Variants in ZNF507 observed in about 807,000 individuals in gnomAD.
ZNF507 encodes zinc finger protein 507.
ZNF507 carries 29 observed loss-of-function variants against 80.0 expected under a neutral mutation model. The observed-to-expected ratio is 0.36, with a 90% confidence interval of 0.27 to 0.49. The LOEUF (loss-of-function observed/expected upper bound fraction) is 0.49. Ranked by LOEUF, ZNF507 falls within the 20% of genes least tolerant of loss-of-function variation. The pLI is 0.98. For synonymous variants in ZNF507, 462 were observed against 422.5 expected (o/e 1.09, Z -1.15); for missense variants, 1,081 against 1,152.2 (o/e 0.94, Z 0.90).
Position 32,354,367 on chromosome 19 carries a change from G to C in ZNF507, c.1537G>C (p.Ala513Pro). The change falls in exon 3 of 7, where the codon GCC becomes CCC. Residue 513 changes from alanine (A) to proline (P), a missense_variant. Physicochemically the swap from Ala to Pro is conservative, Grantham distance 27. Transcript: ENST00000355898. The stretch of plus-strand genomic sequence containing the variant: ...TATAAGAGCTGCAGAGTTGACAAGA[G>C]CCAACCTGGGGCACTATGGAGATAT... ...MPIRAAELTR[A>P]NLGHYGDINL... 6 of 1,614,176 alleles carry C rather than the reference G, an allele frequency of 3.7e-6. No individual in the cohort carries two copies. The highest frequency in any genetic ancestry group is 5.1e-6 in the Non-Finnish European group (6 of 1,180,038).
At chr19:32,362,438 A>C (rs1172843687) in intron 5 of ZNF507, among the ~76,000 whole-genome samples, 1 of 152,188 alleles carries the variant, frequency 6.6e-6, no homozygotes, top group Non-Finnish European at 1.5e-5. Context: ...TTATTGAGCA[A>C]ATATTATGCT....
intron 5 of ZNF507, among the ~76,000 whole-genome samples, chr19:32,364,656 G>A (rs921493769): frequency 7.2e-5 from 11 of 152,130 alleles, no homozygotes; most frequent in African/African-American, 2.7e-4. Context: ...CACTGCAAAT[G>A]CTGTTAATTC....
chr19:32,374,873 G>A (rs957031985), intron 5 of ZNF507, among the ~76,000 whole-genome samples: 1 of 152,130 alleles, frequency 6.6e-6, no homozygotes, highest in Non-Finnish European at 1.5e-5. Flanking sequence ...TCCTTGTTCT[G>A]TTCTTGAACT....
At chr19:32,349,532 C>T (rs553597061) in intron 2 of ZNF507, among the ~76,000 whole-genome samples, 1 of 152,300 alleles carries the variant, frequency 6.6e-6, no homozygotes, top group South Asian at 2.1e-4. Context: ...TTTTTAACTT[C>T]CAAATGTTTG....
rs1967216712 is a variant in ZNF507 at position 32,354,233 on chromosome 19, T to C, written c.1403T>C (p.Met468Thr). The C allele has an allele frequency of 6.2e-7, 1 of 1,613,972 alleles. No homozygotes were observed. The highest frequency in any genetic ancestry group is 1.1e-5 in the South Asian group (1 of 91,080). The stretch of plus-strand genomic sequence containing the variant: ...AGTTCAGAGAAAAAAGACGAGTTAA[T>C]GAATAAAGGCCTGGCTACTGATGAG... ...WSSSEKKDEL[M>T]NKGLATDENA... The change falls in exon 3 of 7, where the codon ATG (methionine) becomes ACG (threonine). Residue 468 changes from methionine to threonine, a missense_variant. Physicochemically the swap from Met to Thr is moderately conservative, Grantham distance 81 (BLOSUM62 -1). Around this residue, in one of 6 missense-constraint regions of ZNF507, gnomAD observed 614 missense variants for 583.9 expected, o/e 1.05. Transcript: ENST00000355898.
At chr19:32,369,712 G>T (rs990631068) in intron 5 of ZNF507, among the ~76,000 whole-genome samples, 9 of 152,208 alleles carry the variant, frequency 5.9e-5, no homozygotes, top group Admixed American at 5.2e-4. Flanking sequence ...TAGTAAAATG[G>T]TTACTATAGT....
intron 5 of ZNF507, among the ~76,000 whole-genome samples, chr19:32,378,599 A>G (rs961571036): frequency 6.6e-6 from 1 of 151,892 alleles, no homozygotes; most frequent in Non-Finnish European, 1.5e-5. Context: ...ACTTTTCTAT[A>G]TATCTGTATC....
In ZNF507 at chr19:32,354,382, T is replaced by C; in HGVS notation, c.1552T>C (p.Tyr518His). Residue 518 changes from tyrosine to histidine, a missense_variant, in exon 3 of 7, where the codon TAT (tyrosine) becomes CAT (histidine). Transcript: ENST00000355898. Reference sequence around the variant, plus strand: ...GTTGACAAGAGCCAACCTGGGGCACTATGGAGATATAAACCTTTTAGATCC... The same window carrying C: ...GTTGACAAGAGCCAACCTGGGGCACCATGGAGATATAAACCTTTTAGATCC... ...AELTRANLGH[Y>H]GDINLLDPDT... 6.2e-7 allele frequency: 1 copy of C among 1,614,148 alleles called. No homozygotes were observed. Among genetic ancestry groups the C allele is most frequent in the Non-Finnish European group, 8.5e-7 (1 of 1,180,024 alleles).
intron 5 of ZNF507, 85 bp from the exon 6 acceptor site, chr19:32,382,382 C>T (rs1967634465): frequency 6.6e-7 from 1 of 1,512,362 alleles, no homozygotes. Flanking sequence ...GGAGGAAGGG[C>T]TATAATAATT....
At chr19:32,362,502 T>C (rs1462859726) in intron 5 of ZNF507, among the ~76,000 whole-genome samples, 2 of 152,250 alleles carry the variant, frequency 1.3e-5, no homozygotes, top group African/African-American at 4.8e-5. Flanking sequence ...AGACGTCATC[T>C]TTGCTGTCAT....
chr19:32,353,789 C>A lies in ZNF507; in HGVS notation c.959C>A (p.Pro320Gln), dbSNP rs751387815. ...GESELSIHNG[P>Q]SVQVQICSSE... ...AGTGAACTGAGTATCCACAATGGGCCATCAGTGCAAGTGCAGATTTGCAGC... is the reference window on the plus strand; with the variant it reads ...AGTGAACTGAGTATCCACAATGGGCAATCAGTGCAAGTGCAGATTTGCAGC... The change falls in exon 3 of 7, where the codon CCA becomes CAA. Residue 320 changes from proline (P) to glutamine (Q), a missense_variant. This residue lies in a region of ZNF507 where 614 missense variants were observed against 583.9 expected (regional missense o/e 1.05). Coordinates refer to ENST00000355898, the MANE Select transcript of ZNF507 (RefSeq NM_001136156.2). 6.8e-5 allele frequency: 109 copies of A among 1,614,210 alleles called. No homozygotes were observed. Among genetic ancestry groups the A allele is most frequent in the Non-Finnish European group, 9.0e-5 (106 of 1,180,038 alleles).
intron 2 of ZNF507, among the ~76,000 whole-genome samples, chr19:32,348,826 C>T (rs1391520415): frequency 6.6e-6 from 1 of 152,172 alleles, no homozygotes; most frequent in Non-Finnish European, 1.5e-5. Context: ...TCTTTTCACT[C>T]ACCCCCAGAT....
intron 4 of ZNF507, among the ~76,000 whole-genome samples, 165 bp from the exon 5 acceptor site, chr19:32,360,338 AG>A (rs1465783967): frequency 2.0e-5 from 3 of 152,252 alleles, no homozygotes; most frequent in Non-Finnish European, 4.4e-5. Context: ...GTGTATATGC[AG>A]GAAAACCTAT....
At chr19:32,349,969 A>G (rs1967141266) in intron 2 of ZNF507, among the ~76,000 whole-genome samples, 1 of 152,208 alleles carries the variant, frequency 6.6e-6, no homozygotes, top group Admixed American at 6.5e-5. Flanking sequence ...GAGGCCAAGG[A>G]GAGTATGCAG....
At chr19:32,347,767 A>G (rs2145310194) in intron 2 of ZNF507, among the ~76,000 whole-genome samples, 1 of 152,346 alleles carries the variant, frequency 6.6e-6, no homozygotes, top group East Asian at 1.9e-4. Context: ...TTGGCACATT[A>G]TAGGTGCTCA....
chr19:32,358,898 A>G (rs1429844176), intron 4 of ZNF507: 3 of 152,232 alleles, frequency 2.0e-5, no homozygotes, highest in African/African-American at 7.2e-5. Context: ...TTTACCCATG[A>G]TCATACTGGT....
chr19:32,382,071 T>G (rs977373624), intron 5 of ZNF507: 2 of 156,866 alleles, frequency 1.3e-5, no homozygotes, highest in Non-Finnish European at 2.8e-5. Context: ...ATTTCGTTCC[T>G]TTTTGCTTTC....
Position 32,354,681 on chromosome 19 carries a change from C to A in ZNF507, c.1851C>A (p.Cys617Ter). The change falls in exon 3 of 7, where the codon TGC becomes TGA. Residue 617 changes from cysteine (C) to a stop codon, truncating the protein, a stop_gained. Coordinates refer to ENST00000355898, the MANE Select transcript of ZNF507 (RefSeq NM_001136156.2). LOFTEE classifies it high-confidence loss of function. ...AAGAGTTGCAGGACAACGCCCAGTG[C>A]CAACCCAACAGCGATACAAGTTTGT... ...ILKELQDNAQ[C>*]QPNSDTSLSG... is the part of the protein sequence containing the mutation. The A allele has an allele frequency of 6.2e-7, 1 of 1,614,152 alleles. No homozygotes were observed. The highest frequency in any genetic ancestry group is 1.1e-5 in the South Asian group (1 of 91,078).
At chr19:32,368,738 C>T (rs1967431850) in intron 5 of ZNF507, among the ~76,000 whole-genome samples, 1 of 152,154 alleles carries the variant, frequency 6.6e-6, no homozygotes, top group African/African-American at 2.4e-5. Context: ...AAAGATCTCT[C>T]AGGTTCATCA....
Sources: gnomAD v4.1 joint callset for allele counts (sites outside exome capture counted in the v4.1 genomes callset) on GRCh38, gnomAD v4.1.1 for gene constraint, gnomAD v4.1.1 regional missense constraint, MANE v1.5 for transcripts, NCBI Gene and HGNC (gene_info 2026-07-23, HGNC 2026-07-21) for gene names.